RASEF: variants seen among roughly 807,000 people sequenced by gnomAD.
RASEF encodes RAS and EF-hand domain containing, also known as ras and EF-hand domain-containing protein.
RASEF carries 68 observed loss-of-function variants against 90.1 expected under a neutral mutation model. The observed-to-expected ratio is 0.75, with a 90% confidence interval of 0.62 to 0.92. The LOEUF (loss-of-function observed/expected upper bound fraction) is 0.92. Among genes scored for constraint, RASEF ranks in the 40% least tolerant of loss-of-function variants. The pLI is 0.00. For missense variants in RASEF, 949 were observed against 937.2 expected (o/e 1.01, Z -0.16); for synonymous variants, 331 against 345.2 (o/e 0.96, Z 0.46).
intron 8 of RASEF, among the ~76,000 whole-genome samples, chr9:83,005,204 G>A (rs892120250): frequency 2.6e-5 from 4 of 152,176 alleles, no homozygotes; most frequent in Non-Finnish European, 4.4e-5. Flanking sequence ...TATAAAAAGA[G>A]TTGGTTAACA....
chr9:83,213,940 C>T, the RASEF span, among the ~76,000 whole-genome samples: 1 of 152,178 alleles, frequency 6.6e-6, no homozygotes, highest in East Asian at 1.9e-4. Flanking sequence ...ATGGATTCTG[C>T]CAGGCACAGT....
chr9:83,193,609 T>C, the RASEF span, among the ~76,000 whole-genome samples: 1 of 152,198 alleles, frequency 6.6e-6, no homozygotes, highest in Non-Finnish European at 1.5e-5. Context: ...GTAGTTTTCT[T>C]CCTCTAAGTG....
chr9:83,097,294 G>C, the RASEF span, among the ~76,000 whole-genome samples: 2 of 152,198 alleles, frequency 1.3e-5, no homozygotes. Flanking sequence ...TCCAGCACCT[G>C]TTGTTTCCTG....
the RASEF span, among the ~76,000 whole-genome samples, chr9:83,172,603 A>C: frequency 6.6e-6 from 1 of 151,846 alleles, no homozygotes; most frequent in Non-Finnish European, 1.5e-5. Flanking sequence ...AAATTATTTT[A>C]ACTGATGACA....
At chr9:83,150,139 A>G in the RASEF span, among the ~76,000 whole-genome samples, 10 of 152,278 alleles carry the variant, frequency 6.6e-5, no homozygotes, top group Admixed American at 4.6e-4. Flanking sequence ...CTTTATTATA[A>G]AGGACATAGC....
chr9:83,196,465 C>A, the RASEF span, among the ~76,000 whole-genome samples: 19 of 152,318 alleles, frequency 1.2e-4, no homozygotes, highest in African/African-American at 4.6e-4. Context: ...TCATCCACAG[C>A]AGCCTTGTAC....
chr9:82,984,462 G>GA (rs1283722730), intron 16 of RASEF, among the ~76,000 whole-genome samples: 1 of 151,982 alleles, frequency 6.6e-6, no homozygotes, highest in Non-Finnish European at 1.5e-5. Flanking sequence ...TCTCAGCAGG[G>GA]AAAAAAATAA....
At position 83,007,474 on chromosome 9, in the gene RASEF, C is replaced by A; in HGVS notation, c.991G>T (p.Asp331Tyr). 1 of 1,613,268 alleles carries A rather than the reference C, an allele frequency of 6.2e-7. No homozygotes were observed. Among genetic ancestry groups the A allele is most frequent in the Non-Finnish European group, 8.5e-7 (1 of 1,179,210 alleles). ...DLEIIRAYTE[D>Y]RNSLERQIEI... ...ATTTGCCTCTCAAGACTATTTCGATCTTCTGTGTATGCTCGGATTATTTCC... is the reference window on the plus strand; with the variant it reads ...ATTTGCCTCTCAAGACTATTTCGATATTCTGTGTATGCTCGGATTATTTCC... The change falls in exon 7 of 17, where the codon GAT (aspartate) becomes TAT (tyrosine). Residue 331 changes from aspartate (D) to tyrosine (Y), a missense_variant. This residue lies in a region of RASEF where 656 missense variants were observed against 592.2 expected (regional missense o/e 1.11). Transcript: ENST00000376447.
chr9:83,020,542 G>A (rs1829422745), intron 3 of RASEF, among the ~76,000 whole-genome samples: 1 of 152,206 alleles, frequency 6.6e-6, no homozygotes, highest in African/African-American at 2.4e-5. Context: ...TGACGTCCTG[G>A]ACTGGCGTGC....
the RASEF span, among the ~76,000 whole-genome samples, chr9:83,192,552 C>T: frequency 6.6e-6 from 1 of 152,080 alleles, no homozygotes; most frequent in South Asian, 2.1e-4. Flanking sequence ...CTGTGGCCTA[C>T]CAGACAGTGA....
At chr9:83,113,921 G>A in the RASEF span, among the ~76,000 whole-genome samples, 637 of 152,128 alleles carry the variant, frequency 4.2e-3, 5 homozygotes, top group African/African-American at 0.014. Flanking sequence ...CTCCCTGTTT[G>A]TACACCCCCT....
At chr9:83,099,392 A>G in the RASEF span, among the ~76,000 whole-genome samples, 2 of 152,228 alleles carry the variant, frequency 1.3e-5, no homozygotes, top group African/African-American at 4.8e-5. Flanking sequence ...GCATAAAAAG[A>G]TGGAAAATCA....
chr9:83,087,718 A>G, the RASEF span, among the ~76,000 whole-genome samples: 1 of 151,696 alleles, frequency 6.6e-6, no homozygotes. Flanking sequence ...CAAATAACCA[A>G]CTTTTGGTTT....
chr9:83,118,342 A>T, the RASEF span, among the ~76,000 whole-genome samples: 8 of 152,182 alleles, frequency 5.3e-5, no homozygotes, highest in Non-Finnish European at 1.0e-4. Flanking sequence ...CTTGCAGTTC[A>T]TTAGTTATTC....
the RASEF span, among the ~76,000 whole-genome samples, chr9:83,187,510 G>A: frequency 3.9e-5 from 6 of 151,982 alleles, no homozygotes; most frequent in Non-Finnish European, 1.5e-5. Context: ...CCTAAGGATG[G>A]CAAAACAAAA....
At chr9:83,202,494 G>A in the RASEF span, among the ~76,000 whole-genome samples, 1 of 150,174 alleles carries the variant, frequency 6.7e-6, no homozygotes, top group Non-Finnish European at 1.5e-5. Flanking sequence ...TTTTTTTTTT[G>A]AGGTGGAGTC....
intron 1 of RASEF, 23 bp from the exon 2 acceptor site, chr9:83,025,944 T>A: frequency 6.5e-7 from 1 of 1,532,710 alleles, no homozygotes; most frequent in Non-Finnish European, 8.8e-7. Context: ...TAAATAAAAA[T>A]TAAACCAATT....
At chr9:83,117,065 G>A in the RASEF span, among the ~76,000 whole-genome samples, 1 of 152,274 alleles carries the variant, frequency 6.6e-6, no homozygotes, top group African/African-American at 2.4e-5. Context: ...GAAGAGAGTC[G>A]ATTGAAGTAA....
At chr9:83,015,440 G>A (rs1829326135) in intron 4 of RASEF, among the ~76,000 whole-genome samples, 1 of 152,196 alleles carries the variant, frequency 6.6e-6, no homozygotes. Context: ...CAACACTTTG[G>A]GAGGCTGAAG....
Sources: allele counts gnomAD v4.1 joint callset (sites outside exome capture counted in the v4.1 genomes callset), GRCh38; gene constraint gnomAD v4.1.1; regional missense constraint gnomAD v4.1.1; transcripts MANE v1.5; gene names NCBI Gene and HGNC (gene_info 2026-07-23, HGNC 2026-07-21).